Variants in RAD52 observed in about 807,000 individuals in gnomAD.
RAD52 encodes RAD52 DNA repair protein, also known as DNA repair protein RAD52 homolog.
In RAD52, 47 loss-of-function variants were observed where a neutral mutation model predicts 55.5. The ratio of observed to expected loss-of-function variants is 0.85; its 90% confidence interval spans 0.67 to 1.08. The LOEUF (loss-of-function observed/expected upper bound fraction) is 1.08. RAD52 is among the 50% of genes least tolerant of loss of function. The pLI is 0.00. For missense variants in RAD52, 468 were observed against 522.8 expected, an observed-to-expected ratio of 0.90 and a Z score of 1.02; for synonymous variants, 184 against 198.9, an observed-to-expected ratio of 0.92 and a Z score of 0.63.
intron 1 of RAD52, among the ~76,000 whole-genome samples, chr12:968,905 G>GTA (rs1336895233): frequency 9.9e-5 from 15 of 151,980 alleles, no homozygotes; most frequent in Non-Finnish European, 1.9e-4. Context: ...GAATTGGTGA[G>GTA]TATACACACA....
chr12:960,116 G>A (rs1163736460), intron 1 of RAD52, among the ~76,000 whole-genome samples: 1 of 152,120 alleles, frequency 6.6e-6, no homozygotes, highest in East Asian at 1.9e-4. Flanking sequence ...AGGACCAAGG[G>A]CACTTTCGAG....
rs143868830 is a variant in RAD52, at chr12:981,122, C to T, written c.-19+8687G>A. 6.3e-3 allele frequency among the ~76,000 whole-genome samples: 951 copies of T among 151,038 alleles called. 5 individuals carry two copies. The highest frequency in any genetic ancestry group is 0.021 in the African/African-American group (855 of 41,068). On this transcript the variant is annotated intron_variant, in intron 1 of 11. Coordinates refer to the RAD52 transcript ENST00000430095. ...AGGTGGGCAGATAGCTTGAGGTCAG[C>T]AGTTCAAGACCAGCCTGGGCAACAT...
rs867412462 is a variant in RAD52, at chr12:914,041, C to T, written c.1048G>A (p.Asp350Asn). The T allele has an allele frequency of 1.1e-5, 18 of 1,614,196 alleles. No homozygotes were observed. In the Middle Eastern group the frequency reaches 2.0e-3, roughly 178 times the overall value. ...AATGTGTCAGAGGTCTGGGCTGGGT[C>T]TGCTCTAGACGAGGGCTTGACCACA... ...DGVVKPSSRA[D>N]PAQTSDTLAL... The change falls in exon 11 of 12, where the codon GAC (aspartate) becomes AAC (asparagine). Residue 350 changes from aspartate to asparagine, a missense_variant. Asp to Asn is a conservative substitution (Grantham distance 23). Coordinates refer to ENST00000358495, the MANE Select transcript of RAD52 (RefSeq NM_134424.4).
At chr12:918,761 GGCAGTGACT>G (rs1000060489) in intron 7 of RAD52, among the ~76,000 whole-genome samples, 30 of 151,952 alleles carry the variant, frequency 2.0e-4, no homozygotes, top group African/African-American at 7.0e-4. Context: ...GGCAGGGGAT[GGCAGTGACT>G]GCAAGGAACA....
At chr12:953,838 T>C (rs905372755), upstream of RAD52, among the ~76,000 whole-genome samples, 1 of 152,224 alleles carries the variant, frequency 6.6e-6, no homozygotes, top group Non-Finnish European at 1.5e-5. Flanking sequence ...AATACTACAG[T>C]GAACATATTC....
At chr12:969,474 G>A (rs1286866747) in intron 1 of RAD52, among the ~76,000 whole-genome samples, 1 of 151,664 alleles carries the variant, frequency 6.6e-6, no homozygotes, top group Non-Finnish European at 1.5e-5. Context: ...TATTACATTT[G>A]ACCATAGTTG....
intron 1 of RAD52, among the ~76,000 whole-genome samples, chr12:972,751 G>A (rs1232458721): frequency 7.4e-6 from 1 of 135,488 alleles, no homozygotes; most frequent in African/African-American, 3.0e-5. Flanking sequence ...GGGCGACAGA[G>A]CGAGACTCCG....
intron 1 of RAD52, among the ~76,000 whole-genome samples, chr12:939,969 G>C (rs997309924): frequency 6.6e-6 from 1 of 152,106 alleles, no homozygotes. Context: ...CAGCTATTCG[G>C]GAGGCTGAGG....
intron 8 of RAD52, 68 bp from the exon 9 acceptor site, chr12:916,551 CGGCT>C (rs777891351): frequency 1.0e-5 from 16 of 1,601,680 alleles, no homozygotes; most frequent in African/African-American, 1.3e-5. Flanking sequence ...AGGACACGCA[CGGCT>C]GGCTGGCTCT....
chr12:971,190 T>G (rs532741802), intron 1 of RAD52, among the ~76,000 whole-genome samples: 60 of 152,276 alleles, frequency 3.9e-4, no homozygotes, highest in African/African-American at 1.3e-3. Flanking sequence ...TCCCTTGGGG[T>G]GACTATGATG....
At position 911,887 on chromosome 12, in the gene RAD52, G is replaced by A. The variant is rs1379479242; in HGVS notation, c.*1504C>T. On this transcript the variant is annotated 3_prime_UTR_variant, in exon 12 of 12. Coordinates refer to ENST00000358495, the MANE Select transcript of RAD52 (RefSeq NM_134424.4). The stretch of plus-strand genomic sequence containing the variant: ...AAAATACAAAAATTAGTCGGGCGTC[G>A]TGGTGGGTGTCTGTAATCCCAGCTA... 6.6e-6 allele frequency among the ~76,000 whole-genome samples: 1 copy of A among 151,906 alleles called. No individual in the cohort carries two copies. Among genetic ancestry groups the A allele is most frequent in the Non-Finnish European group, 1.5e-5 (1 of 68,000 alleles).
intron 1 of RAD52, among the ~76,000 whole-genome samples, chr12:986,803 G>A (rs1002958215): frequency 6.2e-5 from 9 of 144,368 alleles, no homozygotes; most frequent in African/African-American, 1.8e-4. Flanking sequence ...TCTCTTTTCC[G>A]GGCGTTTTCT....
chr12:939,864 C>T lies in RAD52; in HGVS notation c.-18-6788G>A, dbSNP rs550445041. On this transcript the variant is annotated intron_variant, in intron 1 of 11. Coordinates refer to ENST00000358495, the MANE Select transcript of RAD52 (RefSeq NM_134424.4). ...AGCTGAGGCAGGCGGATCACGAGGT[C>T]AGGAGTTTGAGACCAGCCTGGCCAA... Among the ~76,000 whole-genome samples the T allele has an allele frequency of 1.6e-3, 248 of 152,172 alleles. 2 individuals are homozygous for T. Among genetic ancestry groups the T allele is most frequent in the African/African-American group, 5.9e-3 (243 of 41,530 alleles).
At chr12:920,522 T>TG (rs1416058299) in intron 7 of RAD52, among the ~76,000 whole-genome samples, 1 of 150,128 alleles carries the variant, frequency 6.7e-6, no homozygotes, top group African/African-American at 2.5e-5. Flanking sequence ...GCACCGCCAC[T>TG]GCACTCCAGC....
chr12:916,781 C>G lies in RAD52; in HGVS notation c.583G>C (p.Asp195His), dbSNP rs572471656. The G allele has an allele frequency of 6.4e-5, 104 of 1,613,120 alleles. 2 individuals carry two copies. The South Asian group carries it at 1.1e-3, about 17-fold the overall frequency. The change falls in exon 8 of 12, where the codon GAT becomes CAT. Residue 195 changes from aspartate to histidine, a missense_variant. Coordinates refer to ENST00000358495, the MANE Select transcript of RAD52 (RefSeq NM_134424.4). ...EVDLTKAKRQ[D>H]LEPSVEEARY... is the part of the protein sequence containing the mutation. ...GCCTCCTCCACAGACGGTTCAAGAT[C>G]TTGTCTCTTCGCTTTAGTTAAATCC...
At chr12:988,051 C>G (rs1392040847) in intron 1 of RAD52, among the ~76,000 whole-genome samples, 1 of 152,144 alleles carries the variant, frequency 6.6e-6, no homozygotes, top group Non-Finnish European at 1.5e-5. Context: ...TGGCTCACTG[C>G]TCCGTTGACC....
chr12:913,575 T>C (rs1956205645), intron 11 of RAD52, 123 bp from the exon 12 acceptor site: 4 of 862,706 alleles, frequency 4.6e-6, no homozygotes, highest in Non-Finnish European at 7.4e-6. Context: ...GAATTACTGT[T>C]AGGAGGAAGG....
intron 1 of RAD52, among the ~76,000 whole-genome samples, chr12:942,916 G>A (rs919973976): frequency 6.6e-6 from 1 of 152,014 alleles, no homozygotes; most frequent in Non-Finnish European, 1.5e-5. Context: ...CTAAGAAAAT[G>A]AATAGGCAAC....
rs139225571 is a variant in RAD52 at position 968,004 on chromosome 12, T to C, written c.-19+21805A>G. Among the ~76,000 whole-genome samples, 131 of 152,234 alleles carry C rather than the reference T, an allele frequency of 8.6e-4. 1 individual carries two copies. The highest frequency in any genetic ancestry group is 5.8e-3 in the South Asian group (28 of 4,830). ...GGCCTATTTTTGAGCTTTATATTCATGGAATTATGCCCTATGTACTATTTT... is the reference window on the plus strand; with the variant it reads ...GGCCTATTTTTGAGCTTTATATTCACGGAATTATGCCCTATGTACTATTTT... On this transcript the variant is annotated intron_variant, in intron 1 of 11. Coordinates refer to the RAD52 transcript ENST00000430095.
Sources: gnomAD v4.1 joint callset for allele counts (sites outside exome capture counted in the v4.1 genomes callset) on GRCh38, gnomAD v4.1.1 for gene constraint, MANE v1.5 for transcripts, NCBI Gene and HGNC (gene_info 2026-07-23, HGNC 2026-07-21) for gene names.